The following AUTS2 variants were observed in gnomAD, a reference collection of about 807,000 sequenced individuals.
AUTS2 encodes the protein autism susceptibility gene 2 protein.
Under a neutral mutation model 112.4 loss-of-function variants are expected in AUTS2, and 17 were observed. That is an observed-to-expected ratio of 0.15 (90% CI 0.10 to 0.23). AUTS2 has a LOEUF of 0.23. Ranked by LOEUF, AUTS2 falls within the 10% of genes least tolerant of loss-of-function variation. The pLI is 1.00. For missense variants in AUTS2, 1,510 were observed against 1,701.6 expected, an observed-to-expected ratio of 0.89 and a Z score of 1.98; for synonymous variants, 751 against 702.7, an observed-to-expected ratio of 1.07 and a Z score of -1.09.
chr7:70,392,229 C>T (rs900737606), intron 4 of AUTS2, among the ~76,000 whole-genome samples: 3 of 152,122 alleles, frequency 2.0e-5, no homozygotes, highest in Admixed American at 6.5e-5. Context: ...ATTCCCTTTG[C>T]CTAGTGTACT....
chr7:70,757,139 GA>G lies in AUTS2; in HGVS notation c.743-5725del, dbSNP rs141737965. On this transcript the variant is annotated intron_variant, in intron 6 of 18. Coordinates refer to ENST00000342771, the MANE Select transcript of AUTS2 (RefSeq NM_015570.4). ...GCTTTTTTGCACTGAAAAACACTTT[GA>G]AAAAAGCAATTTTGTGGGGGAAGCC... Among the ~76,000 whole-genome samples the G allele has an allele frequency of 4.2e-3, 638 of 152,270 alleles. 7 individuals carry two copies. Among genetic ancestry groups the G allele is most frequent in the African/African-American group, 0.014 (568 of 41,568 alleles).
intron 1 of AUTS2, among the ~76,000 whole-genome samples, chr7:69,810,250 T>C (rs867387940): frequency 3.3e-5 from 5 of 152,210 alleles, no homozygotes; most frequent in African/African-American, 1.2e-4. Flanking sequence ...CCCAACTCTA[T>C]GACTTAATAA....
At chr7:70,536,257 C>T (rs1173788144) in intron 5 of AUTS2, among the ~76,000 whole-genome samples, 1 of 151,938 alleles carries the variant, frequency 6.6e-6, no homozygotes, top group African/African-American at 2.4e-5. Context: ...CCACTGCACT[C>T]CAGTATGAGT....
intron 1 of AUTS2, among the ~76,000 whole-genome samples, chr7:69,699,439 G>A (rs545574003): frequency 6.6e-6 from 1 of 152,132 alleles, no homozygotes; most frequent in Admixed American, 6.5e-5. Flanking sequence ...CATACTATAA[G>A]CACTGTTCTG....
At chr7:70,300,531 AT>A (rs1196068768) in intron 4 of AUTS2, among the ~76,000 whole-genome samples, 2 of 152,142 alleles carry the variant, frequency 1.3e-5, no homozygotes, top group African/African-American at 2.4e-5. Context: ...GTCACCAGTG[AT>A]TTTTTTCCCC....
At chr7:69,993,336 T>G (rs868491999) in intron 2 of AUTS2, among the ~76,000 whole-genome samples, 33 of 152,292 alleles carry the variant, frequency 2.2e-4, no homozygotes, top group Non-Finnish European at 1.6e-4. Context: ...CCTCTCAGCA[T>G]TCCCGAAACT....
At chr7:69,619,058 T>G (rs1391693092) in intron 1 of AUTS2, among the ~76,000 whole-genome samples, 1 of 152,186 alleles carries the variant, frequency 6.6e-6, no homozygotes, top group Admixed American at 6.5e-5. Flanking sequence ...TTGGTTTTTC[T>G]TCACTGGGTT....
intron 5 of AUTS2, among the ~76,000 whole-genome samples, chr7:70,512,891 G>C (rs556122518): frequency 5.9e-5 from 9 of 151,810 alleles, no homozygotes; most frequent in Admixed American, 2.6e-4. Flanking sequence ...AGTGAAGTGT[G>C]GGGGGGCAGT....
chr7:70,004,890 T>C (rs909925308), intron 2 of AUTS2, among the ~76,000 whole-genome samples: 2 of 151,934 alleles, frequency 1.3e-5, no homozygotes, highest in African/African-American at 4.8e-5. Context: ...AATGACATGG[T>C]CTCGGTTCAC....
At chr7:69,939,493 A>G (rs1796541597) in intron 2 of AUTS2, among the ~76,000 whole-genome samples, 1 of 152,192 alleles carries the variant, frequency 6.6e-6, no homozygotes, top group Non-Finnish European at 1.5e-5. Context: ...ACATCCTGCC[A>G]GGGGATAAAC....
At chr7:70,488,245 G>A (rs555360207) in intron 5 of AUTS2, among the ~76,000 whole-genome samples, 38 of 152,226 alleles carry the variant, frequency 2.5e-4, no homozygotes, top group Non-Finnish European at 3.8e-4. Context: ...CTGGGCACCA[G>A]TGTGGCTATG....
chr7:70,320,988 C>T (rs1487081845), intron 4 of AUTS2, among the ~76,000 whole-genome samples: 1 of 152,214 alleles, frequency 6.6e-6, no homozygotes, highest in African/African-American at 2.4e-5. Flanking sequence ...AAACACCTTA[C>T]AATAGCTGCT....
At chr7:70,521,253 G>T (rs758523188) in intron 5 of AUTS2, among the ~76,000 whole-genome samples, 1 of 152,168 alleles carries the variant, frequency 6.6e-6, no homozygotes, top group African/African-American at 2.4e-5. Flanking sequence ...TTATTCTGAA[G>T]GCTAGTGGAG....
intron 3 of AUTS2, among the ~76,000 whole-genome samples, chr7:70,125,503 G>A (rs1805923014): frequency 1.3e-5 from 2 of 152,094 alleles, no homozygotes. Context: ...CTCGCCTTGG[G>A]TATTTTCTCT....
intron 2 of AUTS2, among the ~76,000 whole-genome samples, chr7:70,020,890 T>TG (rs1679096438): frequency 6.6e-6 from 1 of 152,174 alleles, no homozygotes; most frequent in African/African-American, 2.4e-5. Context: ...AGGCTAGTCT[T>TG]GAACTCCTGA....
At chr7:70,496,293 C>A (rs1258053440) in intron 5 of AUTS2, among the ~76,000 whole-genome samples, 2 of 136,800 alleles carry the variant, frequency 1.5e-5, no homozygotes, top group Admixed American at 1.5e-4. Flanking sequence ...CGATCACACA[C>A]CCCACTCACA....
intron 1 of AUTS2, among the ~76,000 whole-genome samples, chr7:69,798,548 A>G (rs996095638): frequency 1.3e-5 from 2 of 152,156 alleles, no homozygotes; most frequent in Non-Finnish European, 2.9e-5. Flanking sequence ...TTGATTATGC[A>G]TTGTCCATAT....
In AUTS2 at chr7:70,792,425, A is replaced by ATT. The variant is rs935777379; in HGVS notation, c.*1430_*1431dup. The stretch of plus-strand genomic sequence containing the variant: ...CTGTAAAATATATGTATGAAATAAA[A>ATT]TTAGTTCCATTTGGTCTTCTAGTAT... On this transcript the variant is annotated 3_prime_UTR_variant, in exon 19 of 19. Transcript: ENST00000342771. 2 of 151,734 alleles carry ATT rather than the reference A, an allele frequency of 1.3e-5. No individual in the cohort carries two copies. The highest frequency in any genetic ancestry group is 4.9e-5 in the African/African-American group (2 of 41,152). 9.4% of individuals were successfully genotyped at this position (151,734 alleles called of 1,614,324 possible).
intron 5 of AUTS2, among the ~76,000 whole-genome samples, chr7:70,659,875 G>A (rs113000217): frequency 0.023 from 3,558 of 152,268 alleles, 142 homozygotes; most frequent in African/African-American, 0.08. Context: ...GTCCCGGGCT[G>A]TCAGAAATGC....
Sources: allele counts gnomAD v4.1 joint callset (sites outside exome capture counted in the v4.1 genomes callset), GRCh38; gene constraint gnomAD v4.1.1; transcripts MANE v1.5; gene names NCBI Gene and HGNC (gene_info 2026-07-23, HGNC 2026-07-21).